GRIK1: variants seen among roughly 807,000 people sequenced by gnomAD.
GRIK1 encodes the protein glutamate receptor ionotropic, kainate 1.
GRIK1 carries 69 observed loss-of-function variants against 105.7 expected under a neutral mutation model. The ratio of observed to expected loss-of-function variants is 0.65; its 90% CI spans 0.54 to 0.80. GRIK1 has a LOEUF of 0.80. GRIK1 is among the 30% of genes least tolerant of loss of function. GRIK1 has a pLI of 0.00. For missense variants in GRIK1, 1,109 were observed against 1,167.3 expected (o/e 0.95, Z 0.73); for synonymous variants, 438 against 431.3 (o/e 1.02, Z -0.19).
intron 13 of GRIK1, among the ~76,000 whole-genome samples, chr21:29,580,559 C>A (rs1405863840): frequency 2.0e-5 from 3 of 152,094 alleles, no homozygotes; most frequent in South Asian, 2.1e-4. Flanking sequence ...TAATGAGAAA[C>A]CTTAGGGTTC....
At chr21:29,892,653 G>C (rs1263645201) in intron 1 of GRIK1, among the ~76,000 whole-genome samples, 1 of 152,192 alleles carries the variant, frequency 6.6e-6, no homozygotes, top group African/African-American at 2.4e-5. Flanking sequence ...TATTGGGACA[G>C]GATCCACAAG....
At chr21:29,756,770 A>T (rs1028272357) in intron 1 of GRIK1, among the ~76,000 whole-genome samples, 1 of 152,216 alleles carries the variant, frequency 6.6e-6, no homozygotes, top group Non-Finnish European at 1.5e-5. Context: ...AATAAAAAAA[A>T]TAAACTAGAA....
chr21:29,659,026 A>G (rs926088260), intron 4 of GRIK1, among the ~76,000 whole-genome samples: 5 of 152,292 alleles, frequency 3.3e-5, no homozygotes, highest in Non-Finnish European at 7.4e-5. Context: ...TAGGGTCAAA[A>G]TTACGGGTCT....
intron 1 of GRIK1, among the ~76,000 whole-genome samples, chr21:29,826,742 GGAGA>G (rs1292705984): frequency 6.6e-6 from 1 of 151,622 alleles, no homozygotes; most frequent in African/African-American, 2.4e-5. Context: ...ATATGTATAT[GGAGA>G]GAGAGAGAGA....
At chr21:29,673,382 G>C (rs753857515) in intron 3 of GRIK1, among the ~76,000 whole-genome samples, 15 of 151,986 alleles carry the variant, frequency 9.9e-5, no homozygotes, top group Non-Finnish European at 1.8e-4. Context: ...AATTTTCCCA[G>C]GAGCATTTTA....
At chr21:29,899,374 C>G (rs932087106) in intron 1 of GRIK1, among the ~76,000 whole-genome samples, 1 of 152,182 alleles carries the variant, frequency 6.6e-6, no homozygotes, top group African/African-American at 2.4e-5. Context: ...TTGCTGCCTT[C>G]CATGCCTATG....
chr21:29,812,298 G>A (rs370844004), intron 1 of GRIK1, among the ~76,000 whole-genome samples: 2 of 152,066 alleles, frequency 1.3e-5, no homozygotes, highest in Non-Finnish European at 2.9e-5. Flanking sequence ...ATGGTGCTGT[G>A]GTGGGGATGT....
At chr21:29,758,969 T>A (rs541402321) in intron 1 of GRIK1, 1 of 153,130 alleles carries the variant, frequency 6.5e-6, no homozygotes, top group East Asian at 1.9e-4. Context: ...AATTTAGGGG[T>A]TTCAGCTAAG....
chr21:29,716,025 A>C (rs549604951), intron 1 of GRIK1, among the ~76,000 whole-genome samples: 13 of 152,104 alleles, frequency 8.5e-5, no homozygotes, highest in African/African-American at 3.1e-4. Flanking sequence ...AGCTGTTCTC[A>C]TGATAGTGAA....
intron 1 of GRIK1, among the ~76,000 whole-genome samples, chr21:29,793,510 C>T (rs963208245): frequency 2.0e-5 from 3 of 151,348 alleles, no homozygotes; most frequent in Non-Finnish European, 2.9e-5. Flanking sequence ...TCCTTTTCCC[C>T]TCTCTGCCTT....
chr21:29,798,890 G>A (rs1217621659), intron 1 of GRIK1, among the ~76,000 whole-genome samples: 1 of 152,214 alleles, frequency 6.6e-6, no homozygotes, highest in African/African-American at 2.4e-5. Context: ...GGTTGGTTTG[G>A]TTAGATGCTG....
intron 12 of GRIK1, among the ~76,000 whole-genome samples, chr21:29,585,646 G>C (rs895259361): frequency 2.0e-5 from 3 of 152,120 alleles, no homozygotes; most frequent in Non-Finnish European, 4.4e-5. Flanking sequence ...ATCAGTCCTA[G>C]TATCACCCAA....
At chr21:29,581,985 AG>A (rs1432204443) in intron 12 of GRIK1, among the ~76,000 whole-genome samples, 1 of 152,178 alleles carries the variant, frequency 6.6e-6, no homozygotes, top group Non-Finnish European at 1.5e-5. Flanking sequence ...CACAAAAAAG[AG>A]GGGTGACTTG....
At chr21:29,841,323 A>G (rs1436710081) in intron 1 of GRIK1, among the ~76,000 whole-genome samples, 1 of 152,140 alleles carries the variant, frequency 6.6e-6, no homozygotes, top group Non-Finnish European at 1.5e-5. Flanking sequence ...AAGCTTGTCT[A>G]TGGCTTCTTT....
intron 1 of GRIK1, among the ~76,000 whole-genome samples, chr21:29,762,105 A>C (rs573940038): frequency 6.6e-6 from 1 of 152,166 alleles, no homozygotes; most frequent in African/African-American, 2.4e-5. Flanking sequence ...TTTTTTCCAC[A>C]TGGCAATTTT....
chr21:29,846,452 G>GAGAAAGAAA (rs1472713302), intron 1 of GRIK1, among the ~76,000 whole-genome samples: 1 of 114,368 alleles, frequency 8.7e-6, no homozygotes, highest in African/African-American at 3.5e-5. Flanking sequence ...AAGGAAAGAA[G>GAGAAAGAAA]GAAAGAGAGA....
intron 4 of GRIK1, among the ~76,000 whole-genome samples, chr21:29,671,258 G>A (rs1222492279): frequency 6.6e-6 from 1 of 151,812 alleles, no homozygotes; most frequent in Non-Finnish European, 1.5e-5. Context: ...ATGTAGCTGG[G>A]ATTACAGGTG....
intron 1 of GRIK1, among the ~76,000 whole-genome samples, chr21:29,752,687 A>T (rs1329426872): frequency 6.6e-6 from 1 of 152,028 alleles, no homozygotes; most frequent in African/African-American, 2.4e-5. Flanking sequence ...AAAAATAAAA[A>T]ATTAGTGAGT....
intron 1 of GRIK1, among the ~76,000 whole-genome samples, chr21:29,923,218 A>G (rs2071246633): frequency 6.6e-6 from 1 of 152,130 alleles, no homozygotes; most frequent in South Asian, 2.1e-4. Context: ...GGCCCTAGAG[A>G]AGTTCTTTTT....
Sources: gnomAD v4.1 joint callset for allele counts (sites outside exome capture counted in the v4.1 genomes callset) on GRCh38, gnomAD v4.1.1 for gene constraint, MANE v1.5 for transcripts, NCBI Gene and HGNC (gene_info 2026-07-23, HGNC 2026-07-21) for gene names.